PLXNA4: variants seen among roughly 807,000 people sequenced by gnomAD.
The protein encoded by PLXNA4 is plexin-A4.
In PLXNA4, 44 loss-of-function variants were observed where a neutral mutation model predicts 191.8. That is an observed-to-expected ratio of 0.23 (90% CI 0.18 to 0.29). The LOEUF is 0.29. Ranked by LOEUF, PLXNA4 falls within the 10% of genes least tolerant of loss-of-function variation. The pLI, the probability that PLXNA4 is intolerant of heterozygous loss-of-function variation, is 1.00. For missense variants in PLXNA4, 1,800 were observed against 2,488.8 expected (o/e 0.72, Z 5.89); for synonymous variants, 1,082 against 1,009.5 (o/e 1.07, Z -1.36).
chr7:132,217,113 CA>C (rs1361036789), intron 9 of PLXNA4, among the ~76,000 whole-genome samples: 18 of 152,194 alleles, frequency 1.2e-4, no homozygotes, highest in African/African-American at 4.3e-4. Context: ...CAGCGAGCTC[CA>C]GGTCAACTGT....
intron 1 of PLXNA4, among the ~76,000 whole-genome samples, chr7:132,559,182 G>A (rs910666132): frequency 1.3e-5 from 2 of 152,178 alleles, no homozygotes; most frequent in African/African-American, 4.8e-5. Flanking sequence ...CTCCGTAAAT[G>A]TATTACATGC....
At position 132,125,463 on chromosome 7, in the gene PLXNA4, T is replaced by TTAG. The variant is rs1351992633; in HGVS notation, c.*5015_*5016insCTA. The TTAG allele has an allele frequency of 6.6e-6, 1 of 151,986 alleles. No homozygotes were observed. The highest frequency in any genetic ancestry group is 1.5e-5 in the Non-Finnish European group (1 of 67,988). The allele number at this position is 151,986 out of a possible 1,614,324, so 9.4% of individuals were successfully genotyped here. On this transcript the variant is annotated 3_prime_UTR_variant, in exon 32 of 32. Transcript: ENST00000321063. ...GTCCTCTGAACCTCTCCTCATCCCC[T>TTAG]TGGAAGTCATAGGTTTTGCTCCCAC...
At chr7:132,266,282 G>T (rs1001204390) in intron 4 of PLXNA4, 1 of 152,230 alleles carries the variant, frequency 6.6e-6, no homozygotes, top group Non-Finnish European at 1.5e-5. Context: ...GTCAAAGACT[G>T]TGTGCATTTG....
At chr7:132,536,093 C>T (rs1259296945) in intron 1 of PLXNA4, among the ~76,000 whole-genome samples, 2 of 152,206 alleles carry the variant, frequency 1.3e-5, no homozygotes, top group East Asian at 3.8e-4. Flanking sequence ...ACTCTCTGAA[C>T]CTCGGACCCT....
intron 17 of PLXNA4, 38 bp from the exon 18 acceptor site, chr7:132,181,658 C>A: frequency 3.1e-6 from 5 of 1,607,268 alleles, no homozygotes; most frequent in South Asian, 1.1e-5. Flanking sequence ...TATGCAGTAT[C>A]TCCACATACC....
chr7:132,130,082 C>A lies in PLXNA4; in HGVS notation c.*397G>T. The A allele has an allele frequency of 4.8e-6, 1 of 206,408 alleles. No homozygotes were observed. The highest frequency in any genetic ancestry group is 1.0e-5 in the Non-Finnish European group (1 of 99,488). The allele number at this position is 206,408 out of a possible 1,614,324, so 12.8% of individuals were successfully genotyped here. A position where few individuals can be genotyped will look rare whatever the true frequency, so the allele number is the denominator to read the frequency against. ...AGGCTCAGACCAAAGCAGGGGCTGC[C>A]AAAGTGGAAGGTGAAGTAGCAGCAC... On this transcript the variant is annotated 3_prime_UTR_variant, in exon 32 of 32. Coordinates refer to ENST00000321063, the MANE Select transcript of PLXNA4 (RefSeq NM_020911.2).
rs1795381369 is a variant in PLXNA4 at position 132,145,109 on chromosome 7, C to T, written c.5225+10G>A. 3 of 1,614,032 alleles carry T rather than the reference C, an allele frequency of 1.9e-6. No individual in the cohort carries two copies. Among genetic ancestry groups the T allele is most frequent in the Non-Finnish European group, 1.7e-6 (2 of 1,179,970 alleles). ...GCTCCCGATGTGCCCCCTGCCCTCC[C>T]TTCACTCACCAATTGCTCTTCCAGG... On this transcript the variant is annotated intron_variant, in intron 29 of 31. Coordinates refer to ENST00000321063, the MANE Select transcript of PLXNA4 (RefSeq NM_020911.2).
intron 3 of PLXNA4, among the ~76,000 whole-genome samples, chr7:132,423,804 C>G (rs1015189727): frequency 2.0e-5 from 3 of 152,186 alleles, no homozygotes; most frequent in African/African-American, 7.2e-5. Context: ...TTTTCTTCAT[C>G]CCTGTTTTGT....
intron 3 of PLXNA4, among the ~76,000 whole-genome samples, chr7:132,414,592 T>C (rs533716485): frequency 6.6e-6 from 1 of 152,258 alleles, no homozygotes; most frequent in African/African-American, 2.4e-5. Flanking sequence ...AATATCTGCT[T>C]ATTTCACAAA....
At chr7:132,392,343 A>C (rs1445688362) in intron 3 of PLXNA4, among the ~76,000 whole-genome samples, 4 of 152,210 alleles carry the variant, frequency 2.6e-5, no homozygotes, top group African/African-American at 9.7e-5. Context: ...AACAAAGCTA[A>C]CTAACCTTCT....
chr7:132,379,945 C>T (rs1171954251), intron 3 of PLXNA4, among the ~76,000 whole-genome samples: 2 of 152,140 alleles, frequency 1.3e-5, no homozygotes, highest in Non-Finnish European at 2.9e-5. Context: ...TGTTCTTGGG[C>T]TTCATATGTT....
Position 132,273,579 on chromosome 7 carries a change from C to T in PLXNA4, c.1503+24512G>A, listed in dbSNP as rs116138285. On this transcript the variant is annotated intron_variant, in intron 4 of 31. Coordinates refer to ENST00000321063, the MANE Select transcript of PLXNA4 (RefSeq NM_020911.2). ...GTAGTATTATGCTGCATGGTAATTC[C>T]GCTTAGAGGCAAAGAGGAGAGGGGA... Among the ~76,000 whole-genome samples the T allele has an allele frequency of 6.9e-3, 1,057 of 152,232 alleles. 21 individuals carry two copies. The highest frequency in any genetic ancestry group is 0.025 in the African/African-American group (1,020 of 41,548).
At chr7:132,449,082 C>G (rs1383339897) in intron 3 of PLXNA4, among the ~76,000 whole-genome samples, 1 of 152,146 alleles carries the variant, frequency 6.6e-6, no homozygotes, top group Non-Finnish European at 1.5e-5. Flanking sequence ...TTTTCAAATC[C>G]CTTTTCTAAG....
At chr7:132,146,982 T>C (rs1365096847) in intron 27 of PLXNA4, among the ~76,000 whole-genome samples, 1 of 152,230 alleles carries the variant, frequency 6.6e-6, no homozygotes, top group African/African-American at 2.4e-5. Flanking sequence ...TTTGTAAAAA[T>C]ATAAGCCTGT....
intron 30 of PLXNA4, among the ~76,000 whole-genome samples, chr7:132,134,109 C>T (rs534545957): frequency 2.0e-5 from 3 of 152,282 alleles, no homozygotes; most frequent in Admixed American, 6.5e-5. Flanking sequence ...GACTAGGGTG[C>T]ATGAAGCAAG....
At chr7:132,217,284 C>T (rs928973430) in intron 9 of PLXNA4, among the ~76,000 whole-genome samples, 12 of 152,156 alleles carry the variant, frequency 7.9e-5, no homozygotes, top group Non-Finnish European at 8.8e-5. Context: ...TATACAGAGG[C>T]TTCATTGCAT....
chr7:132,518,958 G>A (rs186787910), intron 1 of PLXNA4, among the ~76,000 whole-genome samples: 7 of 152,316 alleles, frequency 4.6e-5, no homozygotes, highest in Non-Finnish European at 1.0e-4. Context: ...AGCTCCAGCC[G>A]AGGCCCAGGC....
At position 132,474,214 on chromosome 7, in the gene PLXNA4, T is replaced by TCTCACACACACA. The variant is rs1175360961; in HGVS notation, c.1371+15077_1371+15078insTGTGTGTGTGAG. ...TGAGCCAAGATCAGATCTCTCTGTC[T>TCTCACACACACA]CACACACACACACACACACACACAC... is the stretch of plus-strand genomic sequence containing the variant. On this transcript the variant is annotated intron_variant, in intron 3 of 31. Transcript: ENST00000321063. Among the ~76,000 whole-genome samples, 4 of 140,304 alleles carry TCTCACACACACA rather than the reference T, an allele frequency of 2.9e-5. No homozygotes were observed. In the South Asian group the frequency reaches 9.6e-4, roughly 34 times the overall value. The allele number at this position is 140,304 out of a possible 152,430, so 92.0% of individuals were successfully genotyped here.
intron 3 of PLXNA4, among the ~76,000 whole-genome samples, chr7:132,387,795 C>G (rs1021429202): frequency 6.6e-6 from 1 of 152,090 alleles, no homozygotes; most frequent in Non-Finnish European, 1.5e-5. Context: ...TAGATCTTGT[C>G]TACTTAGCTG....
Sources: gnomAD v4.1 joint callset for allele counts (sites outside exome capture counted in the v4.1 genomes callset) on GRCh38, gnomAD v4.1.1 for gene constraint, MANE v1.5 for transcripts, NCBI Gene and HGNC (gene_info 2026-07-23, HGNC 2026-07-21) for gene names.